Variants in COL27A1 observed in about 807,000 individuals in gnomAD.
COL27A1 encodes the protein collagen alpha-1(XXVII) chain.
A neutral mutation model predicts 251.3 loss-of-function variants in COL27A1; 106 were observed. That is an observed-to-expected ratio of 0.42 (90% CI 0.36 to 0.50). The LOEUF (loss-of-function observed/expected upper bound fraction) is 0.50, where lower values mean the gene tolerates loss of function less well. COL27A1 is among the 20% of genes least tolerant of loss of function. The probability of loss-of-function intolerance (pLI) is 0.00; values close to 1 mark genes in which losing one functional copy is unlikely to be tolerated. For synonymous variants in COL27A1, 1,000 were observed against 986.3 expected (o/e 1.01, Z -0.26); for missense variants, 2,325 against 2,522.8 (o/e 0.92, Z 1.68).
rs1305867498 is a variant in COL27A1 at position 114,183,091 on chromosome 9, A to C, written c.2016+16A>C. On this transcript the variant is annotated intron_variant, in intron 5 of 60. Coordinates refer to ENST00000356083, the MANE Select transcript of COL27A1 (RefSeq NM_032888.4). ...TGGAGCCAAAGTGAGTATTTGCTGG[A>C]GATGTGGCCATGGAGTGGGTGCTGG... 17 of 1,611,172 alleles carry C rather than the reference A, an allele frequency of 1.1e-5. No individual in the cohort carries two copies. Among genetic ancestry groups the C allele is most frequent in the Non-Finnish European group, 1.4e-5 (17 of 1,178,608 alleles).
At position 114,290,769 on chromosome 9, in the gene COL27A1, G is replaced by A. The variant is rs146103092; in HGVS notation, c.4369-41G>A. On this transcript the variant is annotated intron_variant, in intron 47 of 60. Coordinates refer to ENST00000356083, the MANE Select transcript of COL27A1 (RefSeq NM_032888.4). This position sits in a 1 kb window ranked among gnomAD's most constrained non-coding sequence, Gnocchi z 4.6. ...AGCCATCTGCTTCCTTGGCTGTATC[G>A]TGAAACACAAGAGACCCTCCTCTGC... 13,726 of 1,455,204 alleles carry A rather than the reference G, an allele frequency of 9.4e-3. 87 individuals carry two copies. Among genetic ancestry groups the A allele is most frequent in the Middle Eastern group, 0.024 (116 of 4,926 alleles). 90.1% of individuals were successfully genotyped at this position (1,455,204 alleles called of 1,614,324 possible). A position where few individuals can be genotyped will look rare whatever the true frequency, so the allele number is the denominator to read the frequency against.
intron 36 of COL27A1, among the ~76,000 whole-genome samples, chr9:114,274,451 T>C (rs575471861): frequency 5.1e-4 from 78 of 152,274 alleles, no homozygotes; most frequent in African/African-American, 1.8e-3. Flanking sequence ...TCCTCTTCTG[T>C]AAAATGGGAC....
At chr9:114,292,276 C>A in intron 49 of COL27A1, 66 bp downstream of exon 49, 1 of 1,200,218 alleles carries the variant, frequency 8.3e-7, no homozygotes, top group Non-Finnish European at 1.2e-6. Context: ...CATACACCTA[C>A]ATGTACAAAC....
intron 27 of COL27A1, among the ~76,000 whole-genome samples, chr9:114,257,036 G>C (rs1488598558): frequency 2.0e-5 from 3 of 152,162 alleles, no homozygotes; most frequent in African/African-American, 7.2e-5. Flanking sequence ...ACTGACGAAG[G>C]GTCAGCCTGG....
Position 114,169,462 on chromosome 9 carries a change from C to T in COL27A1, c.1907C>T (p.Pro636Leu), listed in dbSNP as rs760787629. ...PPGPKGDCGL[P>L]GPPGLPGLPG... Reference sequence around the variant, plus strand: ...GGACCCAAGGGAGACTGTGGCTTGCCGGTAAGACTGAGTGGGGTCTGCATG... The same window carrying T: ...GGACCCAAGGGAGACTGTGGCTTGCTGGTAAGACTGAGTGGGGTCTGCATG... Residue 636 changes from proline (P) to leucine (L), a missense_variant and splice_region_variant, in exon 3 of 61, where the codon CCG (proline) becomes CTG (leucine). Around this residue, in one of 4 missense-constraint regions of COL27A1, gnomAD observed 1,183 missense variants for 1,144.1 expected, o/e 1.03. Coordinates refer to ENST00000356083, the MANE Select transcript of COL27A1 (RefSeq NM_032888.4). The T allele has an allele frequency of 2.8e-5, 42 of 1,524,814 alleles. No homozygotes were observed. The highest frequency in any genetic ancestry group is 4.2e-5 in the African/African-American group (3 of 72,246). 94.5% of individuals were successfully genotyped at this position (1,524,814 alleles called of 1,614,324 possible). A position where few individuals can be genotyped will look rare whatever the true frequency, so the allele number is the denominator to read the frequency against.
intron 4 of COL27A1, among the ~76,000 whole-genome samples, chr9:114,178,556 G>A (rs539692896): frequency 6.6e-6 from 1 of 152,158 alleles, no homozygotes; most frequent in African/African-American, 2.4e-5. Flanking sequence ...ACCTCTTGTA[G>A]GTCTCAGTTG....
chr9:114,265,588 C>A, intron 32 of COL27A1, 113 bp downstream of exon 32: 2 of 1,013,586 alleles, frequency 2.0e-6, no homozygotes, highest in Non-Finnish European at 3.0e-6. Context: ...GGCCTCTAAC[C>A]CGCTGTGGGC....
intron 16 of COL27A1, among the ~76,000 whole-genome samples, chr9:114,234,555 G>A (rs1832222095): frequency 6.6e-6 from 1 of 152,100 alleles, no homozygotes; most frequent in Admixed American, 6.5e-5. Context: ...GGCCCTAAGG[G>A]GAAGCAGCTC....
intron 31 of COL27A1, 106 bp downstream of exon 31, chr9:114,265,216 G>A: frequency 8.0e-7 from 1 of 1,246,142 alleles, no homozygotes; most frequent in South Asian, 1.3e-5. Context: ...CTGTCCTTCT[G>A]TGGAAACCCC....
intron 37 of COL27A1, among the ~76,000 whole-genome samples, chr9:114,279,125 A>C (rs934740725): frequency 1.3e-5 from 2 of 152,172 alleles, no homozygotes; most frequent in Admixed American, 1.3e-4. Context: ...CCGCCACCTC[A>C]GTGCACTGGA....
rs558286068 is a variant in COL27A1 at position 114,216,250 on chromosome 9, C to T, written c.2368-3541C>T. On this transcript the variant is annotated intron_variant, in intron 12 of 60. Transcript: ENST00000356083. ...CCGACCTGGGAAAGTAGAGAAACCA[C>T]GTGGCTGGGGCCCTGGCAGGGAGCC... is the stretch of plus-strand genomic sequence containing the variant. Among the ~76,000 whole-genome samples the T allele has an allele frequency of 2.2e-4, 33 of 152,376 alleles. 1 individual carries two copies. The highest frequency in any genetic ancestry group is 7.7e-4 in the African/African-American group (32 of 41,592).
rs1317708585 is a variant in COL27A1, at chr9:114,237,037, A to G, written c.2673+3A>G. ...CACGGGGGAAGCCAGGGCCTCTGGT[A>G]AGTACCTGCTCCTCCAGCACCCCCA... On this transcript the variant is annotated splice_donor_region_variant and intron_variant, in intron 18 of 60. Coordinates refer to ENST00000356083, the MANE Select transcript of COL27A1 (RefSeq NM_032888.4). The G allele has an allele frequency of 6.2e-7, 1 of 1,604,722 alleles. No homozygotes were observed. The highest frequency in any genetic ancestry group is 1.1e-5 in the South Asian group (1 of 89,730).
chr9:114,155,787 G>T lies in COL27A1; in HGVS notation c.-164G>T, dbSNP rs1046880360. ...CGCGGGCGCCCGCGGGGCCCCAGCC[G>T]CGCTGCCTGCCTGCTCGGGCGCCCC... On this transcript the variant is annotated 5_prime_UTR_variant, in exon 1 of 61. Coordinates refer to ENST00000356083, the MANE Select transcript of COL27A1 (RefSeq NM_032888.4). This position sits in a 1 kb window ranked among gnomAD's most constrained non-coding sequence, Gnocchi z 5.5. 1.9e-4 allele frequency: 73 copies of T among 390,282 alleles called. 1 individual carries two copies. The highest frequency in any genetic ancestry group is 1.6e-3 in the African/African-American group (72 of 45,794). 24.2% of individuals were successfully genotyped at this position (390,282 alleles called of 1,614,324 possible). A position where few individuals can be genotyped will look rare whatever the true frequency, so the allele number is the denominator to read the frequency against.
chr9:114,213,801 C>T lies in COL27A1; in HGVS notation c.2367+2775C>T, dbSNP rs80269063. 8.2e-3 allele frequency among the ~76,000 whole-genome samples: 1,242 copies of T among 152,300 alleles called. 22 individuals are homozygous for T. Among genetic ancestry groups the T allele is most frequent in the African/African-American group, 0.029 (1,187 of 41,550 alleles). ...GGCTTAGACTGTCAAAGCCATTTGT[C>T]CATAGACACTCTGAGCCTTGCCAGA... is the stretch of plus-strand genomic sequence containing the variant. On this transcript the variant is annotated intron_variant, in intron 12 of 60. Transcript: ENST00000356083.
rs181624206 is a variant in COL27A1 at position 114,160,340 on chromosome 9, A to G, written c.63-2375A>G. Among the ~76,000 whole-genome samples, 508 of 152,072 alleles carry G rather than the reference A, an allele frequency of 3.3e-3. 1 individual carries two copies. Among genetic ancestry groups the G allele is most frequent in the African/African-American group, 0.012 (485 of 41,478 alleles). ...TGGCTAATTTTTTTGTATTTTTGGT[A>G]GAGATGGGGTTTCGCTGTGTTAGCC... On this transcript the variant is annotated intron_variant, in intron 1 of 60. Coordinates refer to ENST00000356083, the MANE Select transcript of COL27A1 (RefSeq NM_032888.4).
intron 52 of COL27A1, 52 bp from the exon 53 acceptor site, chr9:114,301,232 A>C: frequency 1.2e-6 from 2 of 1,610,622 alleles, no homozygotes; most frequent in Non-Finnish European, 1.7e-6. Flanking sequence ...CCTCATCTGG[A>C]AATGGGGCTT....
intron 3 of COL27A1, among the ~76,000 whole-genome samples, chr9:114,176,677 C>T (rs1489593454): frequency 1.3e-5 from 2 of 152,138 alleles, no homozygotes; most frequent in African/African-American, 4.8e-5. Flanking sequence ...CCCCTCTACC[C>T]ACCCCTGGAA....
chr9:114,220,987 T>G (rs1319014288), intron 13 of COL27A1, among the ~76,000 whole-genome samples: 1 of 122,916 alleles, frequency 8.1e-6, no homozygotes, highest in African/African-American at 2.9e-5. Context: ...AGAGTGAGAC[T>G]CTGTCTCAAA....
chr9:114,242,136 C>A (rs1197531820), intron 21 of COL27A1, 51 bp from the exon 22 acceptor site: 15 of 1,499,166 alleles, frequency 1.0e-5, no homozygotes, highest in South Asian at 1.3e-5. Flanking sequence ...TCTGCAAGTC[C>A]AACTGGATTA....
Sources: gnomAD v4.1 joint callset for allele counts (sites outside exome capture counted in the v4.1 genomes callset) on GRCh38, gnomAD v4.1.1 for gene constraint, gnomAD v4.1.1 regional missense constraint, Gnocchi (gnomAD v3.1) non-coding constraint, MANE v1.5 for transcripts, NCBI Gene and HGNC (gene_info 2026-07-23, HGNC 2026-07-21) for gene names.